PCDHA7: variants seen among roughly 807,000 people sequenced by gnomAD.
PCDHA7 encodes protocadherin alpha 7, also known as protocadherin alpha-7.
Under a neutral mutation model 57.2 loss-of-function variants are expected in PCDHA7, and 37 were observed. The ratio of observed to expected loss-of-function variants is 0.65; its 90% CI spans 0.50 to 0.85. The LOEUF is 0.85. Ranked by LOEUF, PCDHA7 falls within the 40% of genes least tolerant of loss-of-function variation. The pLI, the probability that PCDHA7 is intolerant of heterozygous loss-of-function variation, is 0.00. For missense variants in PCDHA7, 1,188 were observed against 1,241.8 expected (o/e 0.96, Z 0.65); for synonymous variants, 553 against 558.8 (o/e 0.99, Z 0.15).
intron 1 of PCDHA7, among the ~76,000 whole-genome samples, chr5:140,963,640 CT>C (rs1426012343): frequency 6.6e-6 from 1 of 152,164 alleles, no homozygotes; most frequent in African/African-American, 2.4e-5. Flanking sequence ...CGCATCTTCC[CT>C]ATCATGGTTG....
intron 3 of PCDHA7, among the ~76,000 whole-genome samples, chr5:140,986,828 G>A (rs1001117075): frequency 3.9e-5 from 6 of 152,146 alleles, no homozygotes; most frequent in Non-Finnish European, 5.9e-5. Flanking sequence ...TTTAGACAAT[G>A]GTTCTCAAAG....
Position 141,011,124 on chromosome 5 carries a change from G to A in PCDHA7, c.*1187G>A, listed in dbSNP as rs893951024. ...TCTCTCTTTTCTAAGAAACAATTAT[G>A]TGCACTTTGATACACAACCTTCTCT... On this transcript the variant is annotated 3_prime_UTR_variant, in exon 4 of 4. Transcript: ENST00000525929. 1 of 153,618 alleles carries A rather than the reference G, an allele frequency of 6.5e-6. No individual in the cohort carries two copies. The highest frequency in any genetic ancestry group is 2.4e-5 in the African/African-American group (1 of 41,382). 9.5% of individuals were successfully genotyped at this position (153,618 alleles called of 1,614,324 possible).
intron 1 of PCDHA7, among the ~76,000 whole-genome samples, chr5:140,948,503 A>G (rs949915439): frequency 1.4e-4 from 22 of 151,736 alleles, no homozygotes; most frequent in Middle Eastern, 3.4e-3. Flanking sequence ...TAGACTTTCT[A>G]TTAAAAATGT....
intron 1 of PCDHA7, among the ~76,000 whole-genome samples, chr5:140,956,772 GT>G (rs2095308990): frequency 6.6e-6 from 1 of 152,202 alleles, no homozygotes; most frequent in African/African-American, 2.4e-5. Context: ...AATCTGTCTG[GT>G]CCTGGGCTTT....
rs1554136046 is a variant in PCDHA7 at position 140,836,533 on chromosome 5, T to A, written c.2150T>A (p.Leu717Gln). 6.2e-7 allele frequency: 1 copy of A among 1,613,734 alleles called. No individual in the cohort carries two copies. Among genetic ancestry groups the A allele is most frequent in the Non-Finnish European group, 8.5e-7 (1 of 1,179,854 alleles). The change falls in exon 1 of 4, where the codon CTG becomes CAG. Residue 717 changes from leucine to glutamine, a missense_variant. Leu to Gln is a moderately radical substitution (Grantham distance 113). Coordinates refer to ENST00000525929, the MANE Select transcript of PCDHA7 (RefSeq NM_018910.3). ...VSSLLVLTLL[L>Q]YTALRCSAPS... ...AGTCTGTTGGTGCTTACCCTGCTGC[T>A]GTACACGGCGTTGCGGTGCTCAGCG...
At position 140,858,282 on chromosome 5, in the gene PCDHA7, G is replaced by T. The variant is rs782040852; in HGVS notation, c.2355+21544G>T. On this transcript the variant is annotated intron_variant, in intron 1 of 3. Coordinates refer to ENST00000525929, the MANE Select transcript of PCDHA7 (RefSeq NM_018910.3). ...CTGGTGTGCTCTAGCGCGGTGGGGA[G>T]CTGGTCTTACTCGCAGCAGAGGCGG... 2.5e-6 allele frequency: 4 copies of T among 1,597,480 alleles called. No homozygotes were observed. The highest frequency in any genetic ancestry group is 3.4e-6 in the Non-Finnish European group (4 of 1,167,300).
chr5:141,009,825 T>A lies in PCDHA7; in HGVS notation c.2702T>A (p.Ile901Lys). ...AGCCAAATTGACAAAAGTGACTTCA[T>A]AACCTTCGGCAAAAAGGAGGAGACC... ...TNSQIDKSDF[I>K]TFGKKEETKK... is the part of the protein sequence containing the mutation. The change falls in exon 4 of 4, where the codon ATA (isoleucine) becomes AAA (lysine). Residue 901 changes from isoleucine to lysine, a missense_variant. Physicochemically the swap from Ile to Lys is moderately radical, Grantham distance 102. This residue lies in a region of PCDHA7 where 892 missense variants were observed against 788.5 expected (regional missense o/e 1.13). Coordinates refer to ENST00000525929, the MANE Select transcript of PCDHA7 (RefSeq NM_018910.3). 2 of 1,613,774 alleles carry A rather than the reference T, an allele frequency of 1.2e-6. No homozygotes were observed.
At chr5:140,862,433 G>A (rs781821294) in intron 1 of PCDHA7, 31 of 354,884 alleles carry the variant, frequency 8.7e-5, no homozygotes, top group Admixed American at 2.6e-4. Context: ...GAAACTATTC[G>A]TTGGTACTCC....
At chr5:140,903,927 G>A (rs1202330297) in intron 1 of PCDHA7, among the ~76,000 whole-genome samples, 1 of 152,158 alleles carries the variant, frequency 6.6e-6, no homozygotes, top group Non-Finnish European at 1.5e-5. Context: ...TGCTGCATTG[G>A]ATAATACCTC....
intron 1 of PCDHA7, chr5:140,927,089 T>G: frequency 6.2e-7 from 1 of 1,612,460 alleles, no homozygotes; most frequent in Non-Finnish European, 8.5e-7. Flanking sequence ...GAGCTCTACT[T>G]CGGGGTGGAT....
Position 140,925,879 on chromosome 5 carries a change from C to A in PCDHA7, c.2356-53070C>A, listed in dbSNP as rs138501139. Reference sequence around the variant, plus strand: ...GTTATTGCTATTGACTGGTTTATAACCTCCTCTTTCACCCAGATCGTCAAG... The same window carrying A: ...GTTATTGCTATTGACTGGTTTATAAACTCCTCTTTCACCCAGATCGTCAAG... On this transcript the variant is annotated intron_variant, in intron 1 of 3. Coordinates refer to ENST00000525929, the MANE Select transcript of PCDHA7 (RefSeq NM_018910.3). Among the ~76,000 whole-genome samples, 60 of 152,212 alleles carry A rather than the reference C, an allele frequency of 3.9e-4. No individual in the cohort carries two copies. In the East Asian group the frequency reaches 7.4e-3, roughly 19 times the overall value.
intron 2 of PCDHA7, among the ~76,000 whole-genome samples, chr5:140,981,680 C>T (rs1238332235): frequency 6.6e-6 from 1 of 151,746 alleles, no homozygotes; most frequent in Non-Finnish European, 1.5e-5. Flanking sequence ...CTTCCTTCCT[C>T]CCTTCCATCA....
intron 1 of PCDHA7, chr5:140,843,324 C>T: frequency 6.3e-7 from 1 of 1,596,010 alleles, no homozygotes; most frequent in Non-Finnish European, 8.6e-7. Flanking sequence ...GTTCTGGTGT[C>T]GCTGGTGGAG....
At chr5:140,837,464 C>T (rs1295340702) in intron 1 of PCDHA7, among the ~76,000 whole-genome samples, 1 of 151,746 alleles carries the variant, frequency 6.6e-6, no homozygotes, top group African/African-American at 2.4e-5. Flanking sequence ...CTCCTTGCCT[C>T]CTCAAACCCC....
intron 1 of PCDHA7, chr5:140,869,562 A>C: frequency 2.5e-6 from 4 of 1,614,168 alleles, no homozygotes. Flanking sequence ...CGCGTTTTCC[A>C]CTAGAGGGAG....
chr5:140,875,452 C>G (rs370742022), intron 1 of PCDHA7: 1 of 1,592,452 alleles, frequency 6.3e-7, no homozygotes, highest in Non-Finnish European at 8.6e-7. Flanking sequence ...TGTCCCAACT[C>G]AGAGGCCCTC....
In PCDHA7 at chr5:140,858,149, G is replaced by A. The variant is rs782725386; in HGVS notation, c.2355+21411G>A. The A allele has an allele frequency of 1.5e-5, 24 of 1,597,456 alleles. 4 individuals carry two copies. The highest frequency in any genetic ancestry group is 1.3e-4 in the African/African-American group (10 of 74,378). ...GGATGTCAACGTGTACCTGATCATC[G>A]CCATCTGCGCGGTGTCCAGCTTGCT... On this transcript the variant is annotated intron_variant, in intron 1 of 3. Transcript: ENST00000525929.
chr5:140,857,821 T>C, intron 1 of PCDHA7: 2 of 1,597,642 alleles, frequency 1.3e-6, no homozygotes, highest in South Asian at 2.2e-5. Flanking sequence ...ACGTGGTGGC[T>C]AAGGTGCGCG....
chr5:140,960,402 G>C (rs2095546836), intron 1 of PCDHA7, among the ~76,000 whole-genome samples: 1 of 152,026 alleles, frequency 6.6e-6, no homozygotes, highest in African/African-American at 2.4e-5. Flanking sequence ...GCAAGGGGGG[G>C]TGCCCAAAAA....
Sources: gnomAD v4.1 joint callset for allele counts (sites outside exome capture counted in the v4.1 genomes callset) on GRCh38, gnomAD v4.1.1 for gene constraint, gnomAD v4.1.1 regional missense constraint, MANE v1.5 for transcripts, NCBI Gene and HGNC (gene_info 2026-07-23, HGNC 2026-07-21) for gene names.